The following SCCPDH variants were observed in gnomAD, a reference collection of about 807,000 sequenced individuals.
SCCPDH encodes the protein saccharopine dehydrogenase (putative), also known as saccharopine dehydrogenase-like oxidoreductase.
A neutral mutation model predicts 51.5 loss-of-function variants in SCCPDH; 34 were observed. The observed-to-expected ratio is 0.66, with a 90% CI of 0.50 to 0.88. SCCPDH has a LOEUF of 0.88. Ranked by LOEUF, SCCPDH falls within the 40% of genes least tolerant of loss-of-function variation. SCCPDH has a pLI of 0.00. For synonymous variants in SCCPDH, 187 were observed against 191.3 expected, an observed-to-expected ratio of 0.98 and a Z score of 0.19; for missense variants, 464 against 527.1, an observed-to-expected ratio of 0.88 and a Z score of 1.17.
chr1:246,760,142 T>C, intron 8 of SCCPDH, 29 bp from the exon 9 acceptor site: 1 of 1,597,572 alleles, frequency 6.3e-7, no homozygotes, highest in Non-Finnish European at 8.5e-7. Context: ...TTTAAAAAAA[T>C]ATCACTGACG....
chr1:246,751,883 C>T (rs145233657), intron 5 of SCCPDH, among the ~76,000 whole-genome samples: 3,041 of 151,688 alleles, frequency 0.02, 112 homozygotes, highest in African/African-American at 0.07. Flanking sequence ...TGCCATTCTC[C>T]TGCCTCAGCC....
intron 2 of SCCPDH, among the ~76,000 whole-genome samples, chr1:246,733,503 C>CACAA (rs71965705): frequency 5.1e-4 from 77 of 151,264 alleles, no homozygotes; most frequent in African/African-American, 1.9e-3. Context: ...CACACACACA[C>CACAA]ACACACACAC....
chr1:246,740,528 C>T (rs1558168928), intron 4 of SCCPDH, among the ~76,000 whole-genome samples: 1 of 152,116 alleles, frequency 6.6e-6, no homozygotes, highest in Non-Finnish European at 1.5e-5. Context: ...ATATTATTGT[C>T]TCAGTATAGT....
intron 2 of SCCPDH, among the ~76,000 whole-genome samples, chr1:246,728,891 A>G (rs1290969473): frequency 2.0e-5 from 3 of 152,214 alleles, no homozygotes; most frequent in Admixed American, 2.0e-4. Context: ...ACCAGCCCCC[A>G]GTATTTCAAC....
intron 9 of SCCPDH, among the ~76,000 whole-genome samples, chr1:246,762,968 C>G (rs1002874775): frequency 5.9e-5 from 9 of 151,912 alleles, no homozygotes; most frequent in Non-Finnish European, 1.5e-5. Flanking sequence ...AGCAGTGGTT[C>G]CCAACTTTGG....
In SCCPDH at chr1:246,727,013, T is replaced by G. The variant is rs1462410330; in HGVS notation, c.303+9T>G. ...TCAATTGCGTAGGACCAGTAAGTAA[T>G]CAACCCTTCTTTGTATCAGAACAAA... On this transcript the variant is annotated intron_variant, in intron 2 of 11. Transcript: ENST00000366510. 7.2e-6 allele frequency: 11 copies of G among 1,536,668 alleles called. No homozygotes were observed. In the African/African-American group the frequency reaches 9.5e-5, roughly 13 times the overall value.
At chr1:246,724,714 C>T in intron 1 of SCCPDH, 102 bp downstream of exon 1, 1 of 1,061,566 alleles carries the variant, frequency 9.4e-7, no homozygotes, top group Non-Finnish European at 1.3e-6. Context: ...CCTACGTGTC[C>T]CCGAGCCCTG....
Position 246,758,945 on chromosome 1 carries a change from T to G in SCCPDH, c.696-89T>G, listed in dbSNP as rs1668972540. On this transcript the variant is annotated intron_variant, in intron 6 of 11. Transcript: ENST00000366510. ...CTGGGATTACAGGCATGAGCCACCA[T>G]GCCCTGCCACTGATTTGCTTATTCA... 1.2e-5 allele frequency: 10 copies of G among 807,966 alleles called. No homozygotes were observed. The Admixed American group carries it at 1.7e-4, about 14-fold the overall frequency. The allele number at this position is 807,966 out of a possible 1,614,324, so 50.0% of individuals were successfully genotyped here.
intron 2 of SCCPDH, among the ~76,000 whole-genome samples, chr1:246,727,980 G>A (rs1668428090): frequency 6.6e-6 from 1 of 152,136 alleles, no homozygotes; most frequent in African/African-American, 2.4e-5. Context: ...GCTTCTGAGT[G>A]GAAAAGTAGA....
chr1:246,749,657 C>G (rs1446341668), intron 5 of SCCPDH, among the ~76,000 whole-genome samples: 2 of 152,136 alleles, frequency 1.3e-5, no homozygotes, highest in African/African-American at 4.8e-5. Flanking sequence ...CTAGTTGGGG[C>G]CGTCCGTCCT....
chr1:246,736,342 G>A (rs546329648), intron 3 of SCCPDH, among the ~76,000 whole-genome samples: 5 of 152,154 alleles, frequency 3.3e-5, no homozygotes, highest in East Asian at 1.9e-4. Context: ...TTAAAATAGC[G>A]GACTGTGCAT....
At chr1:246,745,098 C>A (rs1241417870) in intron 5 of SCCPDH, among the ~76,000 whole-genome samples, 1 of 152,196 alleles carries the variant, frequency 6.6e-6, no homozygotes. Context: ...AACTTAGGTA[C>A]TGCTGTGACC....
intron 3 of SCCPDH, among the ~76,000 whole-genome samples, chr1:246,738,183 C>T (rs969370026): frequency 2.7e-5 from 4 of 146,694 alleles, no homozygotes; most frequent in Admixed American, 6.7e-5. Flanking sequence ...GCAACAGGGT[C>T]GGATCCTGTC....
intron 5 of SCCPDH, among the ~76,000 whole-genome samples, chr1:246,752,286 C>A (rs1668862030): frequency 6.6e-6 from 1 of 152,008 alleles, no homozygotes; most frequent in Admixed American, 6.6e-5. Context: ...AGCCTAGGAC[C>A]TAGACAGAAG....
Position 246,724,862 on chromosome 1 carries a change from C to CGAA in SCCPDH, c.190+250_190+251insGAA, listed in dbSNP as rs763538750. Among the ~76,000 whole-genome samples the CGAA allele has an allele frequency of 2.0e-3, 302 of 152,192 alleles. 1 individual carries two copies. The highest frequency in any genetic ancestry group is 3.2e-3 in the Non-Finnish European group (219 of 68,000). ...TTTTTTTCTTTCCTTCTCCTCTTTC[C>CGAA]CGCTTTTTGCATTTCTGCCTCAGTT... On this transcript the variant is annotated intron_variant, in intron 1 of 11. Coordinates refer to ENST00000366510, the MANE Select transcript of SCCPDH (RefSeq NM_016002.3).
intron 2 of SCCPDH, among the ~76,000 whole-genome samples, chr1:246,730,491 A>G (rs1484149990): frequency 6.6e-6 from 1 of 152,180 alleles, no homozygotes; most frequent in African/African-American, 2.4e-5. Flanking sequence ...AAACGACTGA[A>G]TGAATGAAGA....
At chr1:246,748,757 G>A (rs563340952) in intron 5 of SCCPDH, among the ~76,000 whole-genome samples, 2 of 152,100 alleles carry the variant, frequency 1.3e-5, no homozygotes, top group Admixed American at 6.5e-5. Flanking sequence ...ACCCATGTGG[G>A]GCACTTCTTT....
intron 4 of SCCPDH, among the ~76,000 whole-genome samples, chr1:246,743,067 T>C (rs1668703403): frequency 6.6e-6 from 1 of 152,224 alleles, no homozygotes; most frequent in Non-Finnish European, 1.5e-5. Flanking sequence ...TTTTGAAAGC[T>C]GTCATATTTT....
At chr1:246,763,942 A>G (rs1007497522) in intron 9 of SCCPDH, among the ~76,000 whole-genome samples, 1 of 152,152 alleles carries the variant, frequency 6.6e-6, no homozygotes, top group Admixed American at 6.5e-5. Flanking sequence ...GTCGCCTCAA[A>G]TAGGTATCTA....
Sources: allele counts gnomAD v4.1 joint callset (sites outside exome capture counted in the v4.1 genomes callset), GRCh38; gene constraint gnomAD v4.1.1; transcripts MANE v1.5; gene names NCBI Gene and HGNC (gene_info 2026-07-23, HGNC 2026-07-21).